The following FKBP4 variants were observed in gnomAD, a reference collection of about 807,000 sequenced individuals.
The protein encoded by FKBP4 is peptidyl-prolyl cis-trans isomerase FKBP4.
FKBP4 carries 28 observed loss-of-function variants against 54.1 expected under a neutral mutation model. That is an observed-to-expected ratio of 0.52 (90% CI 0.38 to 0.71). FKBP4 has a LOEUF of 0.71. Ranked by LOEUF, FKBP4 falls within the 30% of genes least tolerant of loss-of-function variation. The pLI is 0.00. For missense variants in FKBP4, 493 were observed against 574.4 expected, an observed-to-expected ratio of 0.86 and a Z score of 1.45; for synonymous variants, 223 against 216.1, an observed-to-expected ratio of 1.03 and a Z score of -0.28.
rs749459821 is a variant in FKBP4, at chr12:2,803,250, G to C, written c.1372G>C (p.Glu458Gln). The change falls in exon 10 of 10, where the codon GAA becomes CAA. Residue 458 changes from glutamate (E) to glutamine (Q), a missense_variant. By Grantham distance (29) the Glu-to-Gln change is conservative (BLOSUM62 2). Coordinates refer to ENST00000001008, the MANE Select transcript of FKBP4 (RefSeq NM_002014.4). Reference sequence around the variant, plus strand: ...AGGGAGCCAGTCTCAGGTGGAGACAGAAGCATAGCCCCTCTCCACCAGCCC... The same window carrying C: ...AGGGAGCCAGTCTCAGGTGGAGACACAAGCATAGCCCCTCTCCACCAGCCC... ...TAGSQSQVET[E>Q]A 3.2e-6 allele frequency: 5 copies of C among 1,580,232 alleles called. No homozygotes were observed. Among genetic ancestry groups the C allele is most frequent in the Non-Finnish European group, 4.3e-6 (5 of 1,164,896 alleles).
At chr12:2,803,063 TGGGTG>T in intron 9 of FKBP4, 83 bp from the exon 10 acceptor site, 1 of 916,688 alleles carries the variant, frequency 1.1e-6, no homozygotes, top group Non-Finnish European at 1.7e-6. Flanking sequence ...TGTAGGAGAA[TGGGTG>T]TATCTGTGTA....
At chr12:2,797,996 T>C (rs915602979) in intron 3 of FKBP4, 125 bp downstream of exon 3, 41 of 1,215,388 alleles carry the variant, frequency 3.4e-5, no homozygotes, top group Non-Finnish European at 4.2e-5. Flanking sequence ...TCTGGCCTTA[T>C]GGGAGGAGAA....
chr12:2,799,994 C>T (rs1443880708), intron 6 of FKBP4, 45 bp from the exon 7 acceptor site: 2 of 1,613,338 alleles, frequency 1.2e-6, no homozygotes, highest in South Asian at 2.2e-5. Flanking sequence ...CTGTACGTGA[C>T]TCTGGGGTAG....
Position 2,799,850 on chromosome 12 carries a change from C to A in FKBP4, c.672C>A (p.Ser224Arg). Residue 224 changes from serine to arginine, a missense_variant and splice_region_variant, in exon 6 of 10, where the codon AGC (serine) becomes AGA (arginine). Coordinates refer to ENST00000001008, the MANE Select transcript of FKBP4 (RefSeq NM_002014.4). ...GEHSIVYLKP[S>R]YAFGSVGKEK... ...TACATAGTGTTTTTCACCCCTCCAG[C>A]TATGCTTTTGGCAGTGTTGGGAAGG... The A allele has an allele frequency of 6.2e-7, 1 of 1,613,560 alleles. No homozygotes were observed. Among genetic ancestry groups the A allele is most frequent in the Non-Finnish European group, 8.5e-7 (1 of 1,179,810 alleles).
rs2097903301 is a variant in FKBP4, at chr12:2,798,884, C to T, written c.514+58C>T. On this transcript the variant is annotated intron_variant, in intron 4 of 9. Coordinates refer to ENST00000001008, the MANE Select transcript of FKBP4 (RefSeq NM_002014.4). This position sits in a 1 kb window ranked among gnomAD's most constrained non-coding sequence, Gnocchi z 4.3. ...ATTCTGATATTTAGGCCTTGTGTGG[C>T]TTTGGGCAAGACACTTCCGTTCTCC... 7 of 1,585,068 alleles carry T rather than the reference C, an allele frequency of 4.4e-6. No homozygotes were observed. The highest frequency in any genetic ancestry group is 6.1e-6 in the Non-Finnish European group (7 of 1,155,446).
rs1488443098 is a variant in FKBP4 at position 2,795,770 on chromosome 12, C to G, written c.105+526C>G. 1 of 172,142 alleles carries G rather than the reference C, an allele frequency of 5.8e-6. No homozygotes were observed. Among genetic ancestry groups the G allele is most frequent in the African/African-American group, 2.4e-5 (1 of 41,762 alleles). 10.7% of individuals were successfully genotyped at this position (172,142 alleles called of 1,614,324 possible). Reference sequence around the variant, plus strand: ...GCGACTCCCCACAGTGCTTTCCTGGCCCTTCGGCCTTTGTGCGACGCAGGC... The same window carrying G: ...GCGACTCCCCACAGTGCTTTCCTGGGCCTTCGGCCTTTGTGCGACGCAGGC... On this transcript the variant is annotated intron_variant, in intron 1 of 9. Transcript: ENST00000001008. This position sits in a 1 kb window ranked among gnomAD's most constrained non-coding sequence, Gnocchi z 4.3.
rs1020219262 is a variant in FKBP4 at position 2,800,526 on chromosome 12, G to C, written c.981G>C (p.Met327Ile). Residue 327 changes from methionine (M) to isoleucine (I), a missense_variant, in exon 8 of 10, where the codon ATG becomes ATC. Coordinates refer to ENST00000001008, the MANE Select transcript of FKBP4 (RefSeq NM_002014.4). ...TGGCCTCTCACCTCAACCTGGCCAT[G>C]TGTCATCTGAAACTACAGGCCTTCT... ...LRLASHLNLA[M>I]CHLKLQAFSA... The C allele has an allele frequency of 2.0e-5, 32 of 1,613,896 alleles. No homozygotes were observed. Among genetic ancestry groups the C allele is most frequent in the Non-Finnish European group, 2.6e-5 (31 of 1,179,982 alleles).
intron 9 of FKBP4, among the ~76,000 whole-genome samples, chr12:2,802,728 CTGTTT>C (rs1279154240): frequency 2.0e-5 from 3 of 151,998 alleles, no homozygotes; most frequent in African/African-American, 7.2e-5. Context: ...TACAAGTGTT[CTGTTT>C]TGTTTTGTTT....
At position 2,794,984 on chromosome 12, in the gene FKBP4, C is replaced by G. The variant is rs1342935758; in HGVS notation, c.-156C>G. On this transcript the variant is annotated 5_prime_UTR_variant, in exon 1 of 10. Coordinates refer to ENST00000001008, the MANE Select transcript of FKBP4 (RefSeq NM_002014.4). ...CTCCTGACCCACCTACCCCAGCTCT[C>G]GCGCCGCGTGCAGAGGTGCTCAAGC... The G allele has an allele frequency of 2.9e-5, 10 of 345,140 alleles. No individual in the cohort carries two copies. The highest frequency in any genetic ancestry group is 4.1e-5 in the Non-Finnish European group (8 of 196,514). 21.4% of individuals were successfully genotyped at this position (345,140 alleles called of 1,614,324 possible). A position where few individuals can be genotyped will look rare whatever the true frequency, so the allele number is the denominator to read the frequency against.
At chr12:2,800,177 T>C in intron 7 of FKBP4, 55 bp downstream of exon 7, 1 of 1,567,868 alleles carries the variant, frequency 6.4e-7, no homozygotes, top group Non-Finnish European at 8.8e-7. Flanking sequence ...GCTCTGAGCC[T>C]CCCCTTCCCT....
chr12:2,799,963 C>T (rs761243180), intron 6 of FKBP4, 23 bp downstream of exon 6: 2 of 1,613,206 alleles, frequency 1.2e-6, no homozygotes. Context: ...AGGGTCTTCC[C>T]ATCTAAAGTC....
chr12:2,797,974 C>G (rs2097902814), intron 3 of FKBP4, 103 bp downstream of exon 3: 1 of 1,422,462 alleles, frequency 7.0e-7, no homozygotes, highest in Non-Finnish European at 9.6e-7. Context: ...ACAATGTAGC[C>G]AAGGCTGAGG....
chr12:2,800,689 C>T (rs2097904251), intron 8 of FKBP4, 112 bp downstream of exon 8: 5 of 1,081,586 alleles, frequency 4.6e-6, no homozygotes, highest in African/African-American at 1.6e-5. Flanking sequence ...CAGGGTGGAT[C>T]AGTGGGAGCT....
intron 1 of FKBP4, chr12:2,796,758 C>T: frequency 9.4e-7 from 1 of 1,060,076 alleles, no homozygotes; most frequent in Non-Finnish European, 1.1e-6. Context: ...CCCCCTTTGC[C>T]GATTATAATA....
At chr12:2,796,327 C>A (rs537733464) in intron 1 of FKBP4, 21 of 1,289,092 alleles carry the variant, frequency 1.6e-5, no homozygotes, top group Non-Finnish European at 2.1e-5. Flanking sequence ...TTCCCCTTCT[C>A]GCTCCAGCGT....
chr12:2,799,739 C>G, intron 5 of FKBP4, 111 bp from the exon 6 acceptor site: 1 of 898,118 alleles, frequency 1.1e-6, no homozygotes, highest in Non-Finnish European at 1.8e-6. Context: ...ACATTTGAAC[C>G]AAGTCTCAAG....
Position 2,800,470 on chromosome 12 carries a change from GAGGAAGCAC to G in FKBP4, c.928_936del (p.Glu310_Gln312del), listed in dbSNP as rs1337339540. The G allele has an allele frequency of 1.9e-6, 3 of 1,614,036 alleles. No individual in the cohort carries two copies. The highest frequency in any genetic ancestry group is 1.6e-4 in the Middle Eastern group (1 of 6,080). The stretch of plus-strand genomic sequence containing the variant: ...GGAATATGAGTCTAGTTTTTCCAAT[GAGGAAGCAC>G]AGAAAGCACAGGCCCTTCGACTGGC... On this transcript the variant is annotated inframe_deletion, in exon 8 of 10. Coordinates refer to ENST00000001008, the MANE Select transcript of FKBP4 (RefSeq NM_002014.4).
intron 1 of FKBP4, chr12:2,796,374 C>T: frequency 7.8e-7 from 1 of 1,289,180 alleles, no homozygotes; most frequent in Non-Finnish European, 1.0e-6. Context: ...TCCAGGAAAG[C>T]TCATTTCCCC....
chr12:2,797,610 C>G (rs1008046248), intron 2 of FKBP4, 119 bp from the exon 3 acceptor site: 3 of 1,255,676 alleles, frequency 2.4e-6, no homozygotes, highest in African/African-American at 3.0e-5. Flanking sequence ...CCTTCTGGTC[C>G]CATTTCTAAA....
Sources: gnomAD v4.1 joint callset for allele counts (sites outside exome capture counted in the v4.1 genomes callset) on GRCh38, gnomAD v4.1.1 for gene constraint, Gnocchi (gnomAD v3.1) non-coding constraint, MANE v1.5 for transcripts, NCBI Gene and HGNC (gene_info 2026-07-23, HGNC 2026-07-21) for gene names.